Variants in SSRP1 observed in about 807,000 individuals in gnomAD.
SSRP1 encodes structure specific recognition protein 1.
SSRP1 carries 21 observed loss-of-function variants against 84.4 expected under a neutral mutation model. That is an observed-to-expected ratio of 0.25 (90% CI 0.18 to 0.36). SSRP1 has a LOEUF of 0.36. SSRP1 is among the 10% of genes least tolerant of loss of function. The pLI is 1.00. For synonymous variants in SSRP1, 319 were observed against 318.3 expected (o/e 1.00, Z -0.02); for missense variants, 519 against 900.8 (o/e 0.58, Z 5.43).
In SSRP1 at chr11:57,330,559, A is replaced by C. The variant is rs1296803947; in HGVS notation, c.1297-130T>G. On this transcript the variant is annotated intron_variant, in intron 10 of 16. Coordinates refer to ENST00000278412, the MANE Select transcript of SSRP1 (RefSeq NM_003146.3). This position sits in a 1 kb window ranked among gnomAD's most constrained non-coding sequence, Gnocchi z 4.0. ...CAGAAGACCTGGGGCTGGATTGTCCACACACAGCCAACGTGCAGGGCCTAT... is the reference window on the plus strand; with the variant it reads ...CAGAAGACCTGGGGCTGGATTGTCCCCACACAGCCAACGTGCAGGGCCTAT... 2 of 1,468,084 alleles carry C rather than the reference A, an allele frequency of 1.4e-6. No individual in the cohort carries two copies. The highest frequency in any genetic ancestry group is 1.4e-5 in the African/African-American group (1 of 71,220). The allele number at this position is 1,468,084 out of a possible 1,614,324, so 90.9% of individuals were successfully genotyped here.
chr11:57,330,436 AG>A lies in SSRP1; in HGVS notation c.1297-8del, dbSNP rs1460168088. 6.2e-7 allele frequency: 1 copy of A among 1,613,664 alleles called. No homozygotes were observed. On this transcript the variant is annotated splice_polypyrimidine_tract_variant and splice_region_variant and intron_variant, in intron 10 of 16. Coordinates refer to ENST00000278412, the MANE Select transcript of SSRP1 (RefSeq NM_003146.3). The surrounding 1 kb of genome is among the most constrained non-coding windows in gnomAD (Gnocchi z 4.0). Reference sequence around the variant, plus strand: ...CGTAGCTTGGGTTCATGCCCTAGCCAGGGAAGAGTTCACGGTGGGGCCAACT... The same window carrying A: ...CGTAGCTTGGGTTCATGCCCTAGCCAGGAAGAGTTCACGGTGGGGCCAACT...
At chr11:57,334,403 TAGA>T in intron 3 of SSRP1, 57 bp downstream of exon 3, 3 of 1,584,440 alleles carry the variant, frequency 1.9e-6, no homozygotes, top group Admixed American at 3.5e-5. Flanking sequence ...CTCGAGTCTC[TAGA>T]AGATTAAAAT....
rs1365820143 is a variant in SSRP1, at chr11:57,332,951, A to G, written c.537+8T>C. The G allele has an allele frequency of 5.6e-6, 9 of 1,604,404 alleles. No homozygotes were observed. In the Admixed American group the frequency reaches 1.2e-4, roughly 21 times the overall value. On this transcript the variant is annotated splice_region_variant and intron_variant, in intron 5 of 16. Transcript: ENST00000278412. This position sits in a 1 kb window ranked among gnomAD's most constrained non-coding sequence, Gnocchi z 5.5. ...ATCTGCTGCCAAGGCAACCAGGGGAAGCCTCACCTCAACAGGGTCCACACC... is the reference window on the plus strand; with the variant it reads ...ATCTGCTGCCAAGGCAACCAGGGGAGGCCTCACCTCAACAGGGTCCACACC...
In SSRP1 at chr11:57,335,444, C is replaced by G. The variant is rs550729295; in HGVS notation, c.-119-204G>C. On this transcript the variant is annotated intron_variant, in intron 1 of 16. Coordinates refer to ENST00000278412, the MANE Select transcript of SSRP1 (RefSeq NM_003146.3). This position sits in a 1 kb window ranked among gnomAD's most constrained non-coding sequence, Gnocchi z 4.6. ...GCCCGGAATACCGCTGACACCCAAC[C>G]CGACGCCCGCTCTGGCCGCTCCGGC... The G allele has an allele frequency of 1.7e-4, 57 of 333,574 alleles. No homozygotes were observed. Among genetic ancestry groups the G allele is most frequent in the African/African-American group, 9.7e-4 (46 of 47,542 alleles). 20.7% of individuals were successfully genotyped at this position (333,574 alleles called of 1,614,324 possible). A position where few individuals can be genotyped will look rare whatever the true frequency, so the allele number is the denominator to read the frequency against.
rs762635792 is a variant in SSRP1, at chr11:57,335,129, C to G, written c.-8G>C. 6.2e-7 allele frequency: 1 copy of G among 1,614,056 alleles called. No individual in the cohort carries two copies. Among genetic ancestry groups the G allele is most frequent in the Admixed American group, 1.7e-5 (1 of 60,026 alleles). On this transcript the variant is annotated 5_prime_UTR_variant, in exon 2 of 17. Transcript: ENST00000278412. The surrounding 1 kb of genome is among the most constrained non-coding windows in gnomAD (Gnocchi z 4.6). The stretch of plus-strand genomic sequence containing the variant: ...CTCCAGTGTCTCTGCCATGTCGACC[C>G]CTGCCTGTGGTGGCCTGGGCAGAGC...
chr11:57,326,936 C>A lies in SSRP1; in HGVS notation c.1872-47G>T, dbSNP rs372234296. ...GGAGCTGGGCCTTCAGGTCCCCTGT[C>A]ACCATGACCAAACCTCTCCCAGCTT... On this transcript the variant is annotated intron_variant, in intron 15 of 16. Transcript: ENST00000278412. The A allele has an allele frequency of 3.1e-5, 46 of 1,507,664 alleles. No individual in the cohort carries two copies. The African/African-American group carries it at 5.3e-4, about 17-fold the overall frequency. The allele number at this position is 1,507,664 out of a possible 1,614,324, so 93.4% of individuals were successfully genotyped here.
chr11:57,327,798 T>G lies in SSRP1; in HGVS notation c.1696A>C (p.Lys566Gln). The change falls in exon 14 of 17, where the codon AAG becomes CAG. Residue 566 changes from lysine (K) to glutamine (Q), a missense_variant. Around this residue, in one of 7 missense-constraint regions of SSRP1, gnomAD observed 197 missense variants for 265.0 expected, o/e 0.74. Transcript: ENST00000278412. ...ATGCTGATGCCAGGATGGTCTGACT[T>G]GATCTTCTCTCGGCTGGCATTGAGC... ...LWLNASREKI[K>Q]SDHPGISITD... 4 of 1,614,174 alleles carry G rather than the reference T, an allele frequency of 2.5e-6. No homozygotes were observed. The highest frequency in any genetic ancestry group is 3.4e-6 in the Non-Finnish European group (4 of 1,180,044).
At chr11:57,327,399 T>C in intron 15 of SSRP1, 27 bp downstream of exon 15, 2 of 1,592,472 alleles carry the variant, frequency 1.3e-6, no homozygotes. Context: ...CAAAAATCAG[T>C]GACTGGGCCA....
At position 57,332,688 on chromosome 11, in the gene SSRP1, G is replaced by C; in HGVS notation, c.705C>G (p.Pro235=). 6.2e-7 allele frequency: 1 copy of C among 1,614,084 alleles called. No individual in the cohort carries two copies. Residue 235 remains proline (P), a synonymous_variant, in exon 6 of 17, where the codon CCC becomes CCG. Coordinates refer to ENST00000278412, the MANE Select transcript of SSRP1 (RefSeq NM_003146.3). This position sits in a 1 kb window ranked among gnomAD's most constrained non-coding sequence, Gnocchi z 5.5. ...AAAACAGACGCAGTACTGTGGTGTA[G>C]GGGATCTTGTAGTCAAAGGTCTTGC... is the stretch of plus-strand genomic sequence containing the variant. ...LHGKTFDYKI[P]YTTVLRLFLL... is the part of the protein sequence containing the mutation.
intron 16 of SSRP1, 102 bp from the exon 17 acceptor site, chr11:57,326,580 C>A: frequency 2.8e-6 from 4 of 1,447,690 alleles, no homozygotes; most frequent in South Asian, 1.2e-5. Context: ...AACTACAGCA[C>A]CCCCCTTCAG....
intron 9 of SSRP1, 142 bp from the exon 10 acceptor site, chr11:57,331,069 C>A (rs56916545): frequency 1.9e-5 from 16 of 836,282 alleles, no homozygotes; most frequent in African/African-American, 3.4e-5. Context: ...AGCTTAGAAA[C>A]CCCCAGAGGA....
At chr11:57,331,595 G>A in intron 9 of SSRP1, 73 bp downstream of exon 9, 1 of 1,275,142 alleles carries the variant, frequency 7.8e-7, no homozygotes. Flanking sequence ...AGTGCCCCAG[G>A]CCACGCCAGC....
Position 57,333,529 on chromosome 11 carries a change from T to A in SSRP1, c.252A>T (p.Lys84Asn). ...YDGFRESEFE[K>N]LSDFFKTHYR... ...AGTGAGTTTTGAAGAAATCAGAGAGTTTCTCAAACTCCTGTGGGTGGAGGG... is the reference window on the plus strand; with the variant it reads ...AGTGAGTTTTGAAGAAATCAGAGAGATTCTCAAACTCCTGTGGGTGGAGGG... The change falls in exon 4 of 17, where the codon AAA becomes AAT. Residue 84 changes from lysine (K) to asparagine (N), a missense_variant. Physicochemically the swap from Lys to Asn is moderately conservative, Grantham distance 94. This residue lies in a region of SSRP1 where 88 missense variants were observed against 122.0 expected (regional missense o/e 0.72). Transcript: ENST00000278412. 1 of 1,613,382 alleles carries A rather than the reference T, an allele frequency of 6.2e-7. No individual in the cohort carries two copies. The highest frequency in any genetic ancestry group is 8.5e-7 in the Non-Finnish European group (1 of 1,179,690).
In SSRP1 at chr11:57,326,871, C is replaced by A. The variant is rs1235744456; in HGVS notation, c.1890G>T (p.Lys630Asn). Reference protein sequence around the residue: ...ESSKRDKSKKKKKVKVKMEKK... With the variant: ...ESSKRDKSKKNKKVKVKMEKK... ...TTTCCATCTTTACCTTTACTTTCTT[C>A]TTCTTCTTTGACTTGTCCCTGTATT... The change falls in exon 16 of 17, where the codon AAG (lysine) becomes AAT (asparagine). Residue 630 changes from lysine (K) to asparagine (N), a missense_variant. Lys to Asn is a moderately conservative substitution (Grantham distance 94). Transcript: ENST00000278412. 1 of 1,610,794 alleles carries A rather than the reference C, an allele frequency of 6.2e-7. No homozygotes were observed. The highest frequency in any genetic ancestry group is 8.5e-7 in the Non-Finnish European group (1 of 1,178,404).
rs1256791133 is a variant in SSRP1, at chr11:57,327,421, C to G, written c.1871+5G>C. On this transcript the variant is annotated splice_donor_5th_base_variant and intron_variant, in intron 15 of 16. Transcript: ENST00000278412. ...CAGTGACTGGGCCATGTTCTCGACACTCACCTCTTAGAAGACTCGCCTCGG... is the reference window on the plus strand; with the variant it reads ...CAGTGACTGGGCCATGTTCTCGACAGTCACCTCTTAGAAGACTCGCCTCGG... The G allele has an allele frequency of 6.2e-7, 1 of 1,613,856 alleles. No individual in the cohort carries two copies. Among genetic ancestry groups the G allele is most frequent in the Non-Finnish European group, 8.5e-7 (1 of 1,179,914 alleles).
In SSRP1 at chr11:57,330,557, C is replaced by A. The variant is rs865850512; in HGVS notation, c.1297-128G>T. On this transcript the variant is annotated intron_variant, in intron 10 of 16. Transcript: ENST00000278412. The surrounding 1 kb of genome is among the most constrained non-coding windows in gnomAD (Gnocchi z 4.0). ...CCCAGAAGACCTGGGGCTGGATTGT[C>A]CACACACAGCCAACGTGCAGGGCCT... 5 of 1,466,580 alleles carry A rather than the reference C, an allele frequency of 3.4e-6. No homozygotes were observed. The highest frequency in any genetic ancestry group is 4.5e-6 in the Non-Finnish European group (5 of 1,103,474). The allele number at this position is 1,466,580 out of a possible 1,614,324, so 90.8% of individuals were successfully genotyped here. A position where few individuals can be genotyped will look rare whatever the true frequency, so the allele number is the denominator to read the frequency against.
Position 57,335,461 on chromosome 11 carries a change from C to T in SSRP1, c.-119-221G>A, listed in dbSNP as rs1197537946. ...CACCCAACCCGACGCCCGCTCTGGC[C>T]GCTCCGGCGGGAGCCATGGCAACGA... On this transcript the variant is annotated intron_variant, in intron 1 of 16. Transcript: ENST00000278412. The surrounding 1 kb of genome is among the most constrained non-coding windows in gnomAD (Gnocchi z 4.6). The T allele has an allele frequency of 9.3e-6, 3 of 322,132 alleles. No individual in the cohort carries two copies. The highest frequency in any genetic ancestry group is 4.3e-5 in the African/African-American group (2 of 46,998). 20.0% of individuals were successfully genotyped at this position (322,132 alleles called of 1,614,324 possible).
chr11:57,327,552 CCTCTCCCAT>C (rs1201162700), intron 14 of SSRP1, 38 bp from the exon 15 acceptor site: 2 of 1,612,074 alleles, frequency 1.2e-6, no homozygotes, highest in Non-Finnish European at 8.5e-7. Flanking sequence ...AAGAATAAGA[CCTCTCCCAT>C]CTCCCCTCTC....
intron 13 of SSRP1, 60 bp downstream of exon 13, chr11:57,328,237 T>C: frequency 6.3e-7 from 1 of 1,587,588 alleles, no homozygotes; most frequent in Non-Finnish European, 8.6e-7. Flanking sequence ...GTAAAGAGAA[T>C]GCCTCCCACG....
Sources: gnomAD v4.1 joint callset for allele counts on GRCh38, gnomAD v4.1.1 for gene constraint, gnomAD v4.1.1 regional missense constraint, Gnocchi (gnomAD v3.1) non-coding constraint, MANE v1.5 for transcripts, NCBI Gene and HGNC (gene_info 2026-07-23, HGNC 2026-07-21) for gene names.